Variants in CLVS1 observed in about 807,000 individuals in gnomAD.
CLVS1 encodes clavesin 1.
Under a neutral mutation model 33.1 loss-of-function variants are expected in CLVS1, and 10 were observed. That is an observed-to-expected ratio of 0.30 (90% CI 0.19 to 0.51). CLVS1 has a LOEUF of 0.51. Among genes scored for constraint, CLVS1 ranks in the 20% least tolerant of loss-of-function variants. The pLI, the probability that CLVS1 is intolerant of heterozygous loss-of-function variation, is 0.97. For synonymous variants in CLVS1, 163 were observed against 166.1 expected (o/e 0.98, Z 0.14); for missense variants, 343 against 433.4 (o/e 0.79, Z 1.85).
chr8:61,280,936 C>A (rs1025168331), intron 2 of CLVS1, among the ~76,000 whole-genome samples: 2 of 152,162 alleles, frequency 1.3e-5, no homozygotes, highest in African/African-American at 4.8e-5. Flanking sequence ...AGATCATTAA[C>A]TTATTAATGT....
At chr8:60,966,766 T>C in the CLVS1 span, among the ~76,000 whole-genome samples, 1 of 152,242 alleles carries the variant, frequency 6.6e-6, no homozygotes, top group African/African-American at 2.4e-5. Context: ...TATAGCATGG[T>C]GTCATTTTAA....
the CLVS1 span, among the ~76,000 whole-genome samples, chr8:61,045,856 A>G: frequency 2.0e-5 from 3 of 152,344 alleles, no homozygotes; most frequent in African/African-American, 7.2e-5. Flanking sequence ...ACAACCAGGC[A>G]TAGAGAAATG....
At chr8:61,033,029 G>GAAAGAAAGAA in the CLVS1 span, among the ~76,000 whole-genome samples, 163 of 111,132 alleles carry the variant, frequency 1.5e-3, 5 homozygotes, top group African/African-American at 5.7e-3. Context: ...AAGAAAGAAA[G>GAAAGAAAGAA]AAAGAAAGAA....
At chr8:61,018,266 C>T in the CLVS1 span, among the ~76,000 whole-genome samples, 2 of 152,268 alleles carry the variant, frequency 1.3e-5, no homozygotes, top group South Asian at 2.1e-4. Context: ...CTCCAAATTT[C>T]GTGTTATTTT....
At chr8:61,484,894 T>G (rs986584004) in intron 5 of CLVS1, among the ~76,000 whole-genome samples, 34 of 152,266 alleles carry the variant, frequency 2.2e-4, no homozygotes, top group African/African-American at 8.2e-4. Context: ...TAGCCATATG[T>G]AGAAAGCTGA....
chr8:61,060,254 T>C (rs1355616946), intron 1 of CLVS1, among the ~76,000 whole-genome samples: 2 of 152,168 alleles, frequency 1.3e-5, no homozygotes, highest in Non-Finnish European at 2.9e-5. Flanking sequence ...GGCCTGAGGA[T>C]GAATTCATTT....
chr8:61,189,440 G>C (rs1807417243), intron 2 of CLVS1, among the ~76,000 whole-genome samples: 1 of 152,054 alleles, frequency 6.6e-6, no homozygotes. Flanking sequence ...TAAAGACCAT[G>C]GATGCTAGGA....
intron 2 of CLVS1, among the ~76,000 whole-genome samples, chr8:61,358,753 G>A (rs111877900): frequency 0.01 from 1,549 of 152,280 alleles, 18 homozygotes; most frequent in African/African-American, 0.035. Flanking sequence ...TATAACTCAA[G>A]TGATCAAGAC....
chr8:61,179,291 G>A (rs1585666692), intron 2 of CLVS1, among the ~76,000 whole-genome samples: 2 of 151,860 alleles, frequency 1.3e-5, no homozygotes, highest in African/African-American at 4.8e-5. Context: ...AACAAGAAGA[G>A]CTATCCTAAA....
At chr8:61,447,620 C>G (rs1413070983) in intron 3 of CLVS1, among the ~76,000 whole-genome samples, 1 of 151,824 alleles carries the variant, frequency 6.6e-6, no homozygotes, top group Non-Finnish European at 1.5e-5. Context: ...GTTGTCATTT[C>G]ACCAGTTCAA....
At chr8:61,212,427 C>G (rs1357743562) in intron 2 of CLVS1, among the ~76,000 whole-genome samples, 1 of 152,170 alleles carries the variant, frequency 6.6e-6, no homozygotes, top group African/African-American at 2.4e-5. Context: ...GGGGGCTGGA[C>G]TCCAGAGCGT....
chr8:61,053,899 T>A (rs764484748), upstream of CLVS1, among the ~76,000 whole-genome samples: 1 of 152,192 alleles, frequency 6.6e-6, no homozygotes, highest in Non-Finnish European at 1.5e-5. Flanking sequence ...GAGAGAAAGA[T>A]CCCTGACAAT....
intron 2 of CLVS1, among the ~76,000 whole-genome samples, chr8:61,190,726 T>C (rs1407149986): frequency 6.6e-6 from 1 of 152,090 alleles, no homozygotes; most frequent in African/African-American, 2.4e-5. Context: ...CAAACTACCA[T>C]CAGATAATAC....
chr8:61,248,534 T>G (rs188691535), intron 2 of CLVS1, among the ~76,000 whole-genome samples: 121 of 152,180 alleles, frequency 8.0e-4, no homozygotes, highest in Middle Eastern at 6.8e-3. Context: ...CTAGTTTTTT[T>G]TGTGTGTGTG....
At chr8:61,223,110 A>C (rs922807731) in intron 2 of CLVS1, among the ~76,000 whole-genome samples, 4 of 151,920 alleles carry the variant, frequency 2.6e-5, no homozygotes, top group Admixed American at 1.3e-4. Context: ...CAGCACACTG[A>C]TAGGTCTTGA....
At chr8:61,393,851 T>C (rs1170504670) in intron 3 of CLVS1, among the ~76,000 whole-genome samples, 1 of 152,044 alleles carries the variant, frequency 6.6e-6, no homozygotes, top group African/African-American at 2.4e-5. Context: ...TTGGTTATAG[T>C]TTTGTTTAGT....
intron 2 of CLVS1, among the ~76,000 whole-genome samples, chr8:61,357,494 C>CTTTTCTTTTTTTTTTTTTTTTT (rs1812776284): frequency 3.9e-5 from 1 of 25,804 alleles, no homozygotes; most frequent in African/African-American, 9.9e-5. Flanking sequence ...TTTTTCTTTT[C>CTTTTCTTTTTTTTTTTTTTTTT]TTTTTTTTTT....
intron 1 of CLVS1, among the ~76,000 whole-genome samples, chr8:61,111,524 A>G (rs961019309): frequency 1.3e-5 from 2 of 152,328 alleles, no homozygotes; most frequent in African/African-American, 4.8e-5. Context: ...TCACATTTAA[A>G]CTTTAATTCA....
intron 3 of CLVS1, among the ~76,000 whole-genome samples, chr8:61,445,290 G>A (rs540793701): frequency 1.3e-5 from 2 of 152,232 alleles, no homozygotes; most frequent in East Asian, 1.9e-4. Flanking sequence ...GGGTACATAA[G>A]GATTGATATA....
Sources: gnomAD v4.1 joint callset for allele counts (sites outside exome capture counted in the v4.1 genomes callset) on GRCh38, gnomAD v4.1.1 for gene constraint, MANE v1.5 for transcripts, NCBI Gene and HGNC (gene_info 2026-07-23, HGNC 2026-07-21) for gene names.